SNX10: variants seen among roughly 807,000 people sequenced by gnomAD.
The protein encoded by SNX10 is sorting nexin 10, also known as sorting nexin-10.
In SNX10, 25 loss-of-function variants were observed where a neutral mutation model predicts 28.5. That is an observed-to-expected ratio of 0.88 (90% CI 0.64 to 1.22). The LOEUF (loss-of-function observed/expected upper bound fraction) is 1.22. SNX10 is among the 50% of genes most tolerant of loss of function. The probability of loss-of-function intolerance (pLI) is 0.00; values close to 1 mark genes in which losing one functional copy is unlikely to be tolerated. For synonymous variants in SNX10, 62 were observed against 81.4 expected (o/e 0.76, Z 1.28); for missense variants, 223 against 242.6 (o/e 0.92, Z 0.54).
At position 26,335,697 on chromosome 7, in the gene SNX10, A is replaced by G. The variant is rs529644218; in HGVS notation, c.-23-10723A>G. ...ATACGGGAAAACTTGGCACAGAACT[A>G]AACATTGAATTTAAAATAACCTCGC... is the stretch of plus-strand genomic sequence containing the variant. On this transcript the variant is annotated intron_variant, in intron 1 of 6. Transcript: ENST00000338523. 5.9e-5 allele frequency among the ~76,000 whole-genome samples: 9 copies of G among 151,938 alleles called. No homozygotes were observed. In the East Asian group the frequency reaches 1.7e-3, roughly 29 times the overall value.
Position 26,292,047 on chromosome 7 carries a change from T to C in SNX10, c.-63T>C, listed in dbSNP as rs1233814071. 1 of 152,452 alleles carries C rather than the reference T, an allele frequency of 6.6e-6. No individual in the cohort carries two copies. The highest frequency in any genetic ancestry group is 1.5e-5 in the Non-Finnish European group (1 of 68,432). The allele number at this position is 152,452 out of a possible 1,614,324, so 9.4% of individuals were successfully genotyped here. A position where few individuals can be genotyped will look rare whatever the true frequency, so the allele number is the denominator to read the frequency against. ...AAACTCCGCGGCCCGCAAGCCCGGC[T>C]CGGCCCGGCCCTGCTCTGTTCTGCC... On this transcript the variant is annotated 5_prime_UTR_variant, in exon 1 of 7. Coordinates refer to ENST00000338523, the MANE Select transcript of SNX10 (RefSeq NM_013322.3).
chr7:26,341,496 T>A (rs1452164183), intron 1 of SNX10, among the ~76,000 whole-genome samples: 1 of 78,700 alleles, frequency 1.3e-5, no homozygotes, highest in African/African-American at 5.5e-5. Context: ...ATTCTCTATG[T>A]GCATTTTTTT....
intron 1 of SNX10, among the ~76,000 whole-genome samples, chr7:26,319,935 G>GTA (rs1204681841): frequency 3.3e-5 from 5 of 151,240 alleles, no homozygotes; most frequent in East Asian, 1.9e-4. Flanking sequence ...ATATCTATAT[G>GTA]TATATATATG....
intron 1 of SNX10, among the ~76,000 whole-genome samples, chr7:26,313,665 C>G (rs774359807): frequency 1.1e-4 from 16 of 152,060 alleles, no homozygotes; most frequent in Admixed American, 2.6e-4. Flanking sequence ...AACCCCACCC[C>G]CTGTTTGTCC....
chr7:26,321,843 A>G (rs1787321557), intron 1 of SNX10, among the ~76,000 whole-genome samples: 1 of 151,918 alleles, frequency 6.6e-6, no homozygotes, highest in Non-Finnish European at 1.5e-5. Flanking sequence ...TCCTGGCCTC[A>G]AGATATCCTC....
At chr7:26,305,751 G>A (rs764830014) in intron 1 of SNX10, among the ~76,000 whole-genome samples, 4 of 152,306 alleles carry the variant, frequency 2.6e-5, no homozygotes, top group Non-Finnish European at 4.4e-5. Flanking sequence ...CTTGAAAAAC[G>A]GTGGCGTCTA....
intron 1 of SNX10, among the ~76,000 whole-genome samples, chr7:26,298,865 A>G (rs1055876885): frequency 4.6e-5 from 7 of 152,214 alleles, no homozygotes; most frequent in Admixed American, 2.0e-4. Flanking sequence ...GAAAGAGAAC[A>G]AGCTCTTGGT....
chr7:26,325,328 T>TATATATATATATATATATATATATATATC (rs56716262), intron 1 of SNX10, among the ~76,000 whole-genome samples: 1 of 123,090 alleles, frequency 8.1e-6, no homozygotes, highest in Non-Finnish European at 1.8e-5. Context: ...TATATATATA[T>TATATATATATATATATATATATATATATC]TTGAGATGGA....
chr7:26,335,638 G>T (rs1787898283), intron 1 of SNX10, among the ~76,000 whole-genome samples: 2 of 151,994 alleles, frequency 1.3e-5, no homozygotes, highest in African/African-American at 4.8e-5. Context: ...TGTGTCCAGT[G>T]CAGAGCCAAG....
chr7:26,293,325 C>CT (rs1295489733), intron 1 of SNX10, among the ~76,000 whole-genome samples: 1 of 152,142 alleles, frequency 6.6e-6, no homozygotes, highest in African/African-American at 2.4e-5. Flanking sequence ...CTCAGCCTCC[C>CT]TAGTAGCTGA....
intron 1 of SNX10, among the ~76,000 whole-genome samples, chr7:26,321,797 T>TG (rs1787320412): frequency 6.6e-6 from 1 of 151,820 alleles, no homozygotes; most frequent in Non-Finnish European, 1.5e-5. Context: ...CCTTAAGAGA[T>TG]GGGGTCTTGC....
In SNX10 at chr7:26,346,676, T is replaced by C. The variant is rs112711900; in HGVS notation, c.24+210T>C. On this transcript the variant is annotated intron_variant, in intron 2 of 6. Coordinates refer to ENST00000338523, the MANE Select transcript of SNX10 (RefSeq NM_013322.3). ...TCCAGTGACTCAGCTGTGGAGCACATTCCCACCCACAGCTCGTGACTCAGA... is the reference window on the plus strand; with the variant it reads ...TCCAGTGACTCAGCTGTGGAGCACACTCCCACCCACAGCTCGTGACTCAGA... Among the ~76,000 whole-genome samples the C allele has an allele frequency of 5.3e-5, 8 of 152,246 alleles. 1 individual carries two copies. Among genetic ancestry groups the C allele is most frequent in the African/African-American group, 1.9e-4 (8 of 41,532 alleles).
chr7:26,318,329 T>C (rs1290430918), intron 1 of SNX10, among the ~76,000 whole-genome samples: 2 of 152,244 alleles, frequency 1.3e-5, no homozygotes, highest in African/African-American at 4.8e-5. Flanking sequence ...CTCTCTGGTC[T>C]GTGAAGATGT....
chr7:26,361,370 A>G (rs1789060962), intron 3 of SNX10, among the ~76,000 whole-genome samples: 1 of 152,214 alleles, frequency 6.6e-6, no homozygotes, highest in African/African-American at 2.4e-5. Context: ...GGCATTTCTT[A>G]TGATCTGCTA....
chr7:26,347,592 G>A (rs1006586787), intron 2 of SNX10, among the ~76,000 whole-genome samples: 3 of 152,188 alleles, frequency 2.0e-5, no homozygotes, highest in Non-Finnish European at 4.4e-5. Context: ...ACTCATGCCT[G>A]TAATCCCAGC....
intron 1 of SNX10, among the ~76,000 whole-genome samples, chr7:26,302,409 TG>T (rs2127994117): frequency 6.6e-6 from 1 of 152,238 alleles, no homozygotes; most frequent in South Asian, 2.1e-4. Flanking sequence ...GCAGTGACAA[TG>T]GGGGCCACCT....
intron 2 of SNX10, among the ~76,000 whole-genome samples, chr7:26,346,991 GC>G (rs903421138): frequency 1.3e-5 from 2 of 152,222 alleles, no homozygotes; most frequent in Non-Finnish European, 2.9e-5. Context: ...CCTCATGCCA[GC>G]CCCGGCTGAG....
At chr7:26,356,889 C>T (rs992744961) in intron 2 of SNX10, 1 of 201,988 alleles carries the variant, frequency 5.0e-6, no homozygotes, top group Non-Finnish European at 1.1e-5. Context: ...TAAACTTAGA[C>T]CAGCTGCTAA....
chr7:26,330,887 C>T lies in SNX10; in HGVS notation c.-23-15533C>T, dbSNP rs76280234. On this transcript the variant is annotated intron_variant, in intron 1 of 6. Transcript: ENST00000338523. ...GAACTAAGCTGAGTGCGGTGGCTCACGCCTATAATCCCGATACTTTGGTAG... is the reference window on the plus strand; with the variant it reads ...GAACTAAGCTGAGTGCGGTGGCTCATGCCTATAATCCCGATACTTTGGTAG... Among the ~76,000 whole-genome samples, 684 of 152,206 alleles carry T rather than the reference C, an allele frequency of 4.5e-3. 47 individuals are homozygous for T. The East Asian group carries it at 0.12, about 26-fold the overall frequency.
Sources: allele counts gnomAD v4.1 joint callset (sites outside exome capture counted in the v4.1 genomes callset), GRCh38; gene constraint gnomAD v4.1.1; transcripts MANE v1.5; gene names NCBI Gene and HGNC (gene_info 2026-07-23, HGNC 2026-07-21).